Variants in SETD5 observed in about 807,000 individuals in gnomAD.
SETD5 encodes histone-lysine N-methyltransferase SETD5.
SETD5 carries 44 observed loss-of-function variants against 153.3 expected under a neutral mutation model. The observed-to-expected ratio is 0.29, with a 90% CI of 0.23 to 0.37. The LOEUF is 0.37. SETD5 is among the 10% of genes least tolerant of loss of function. The probability of loss-of-function intolerance (pLI) is 1.00; values close to 1 mark genes in which losing one functional copy is unlikely to be tolerated. For missense variants in SETD5, 1,544 were observed against 1,768.0 expected (o/e 0.87, Z 2.27); for synonymous variants, 716 against 645.2 (o/e 1.11, Z -1.66).
chr3:9,434,648 C>T lies in SETD5; in HGVS notation c.329+163C>T. 1 of 1,470,816 alleles carries T rather than the reference C, an allele frequency of 6.8e-7. No homozygotes were observed. The highest frequency in any genetic ancestry group is 1.4e-5 in the South Asian group (1 of 69,430). 91.1% of individuals were successfully genotyped at this position (1,470,816 alleles called of 1,614,324 possible). On this transcript the variant is annotated intron_variant, in intron 5 of 22. Coordinates refer to ENST00000402198, the MANE Select transcript of SETD5 (RefSeq NM_001080517.3). This position sits in a 1 kb window ranked among gnomAD's most constrained non-coding sequence, Gnocchi z 5.6. ...TGCACTAGGTGAGAATTGCTGACAA[C>T]AAGGAATGAGAGATTGATGTTAAAG... is the stretch of plus-strand genomic sequence containing the variant.
In SETD5 at chr3:9,441,239, G is replaced by A. The variant is rs1040048415; in HGVS notation, c.811-354G>A. Among the ~76,000 whole-genome samples the A allele has an allele frequency of 2.6e-5, 4 of 151,844 alleles. No individual in the cohort carries two copies. In the South Asian group the frequency reaches 8.3e-4, roughly 32 times the overall value. ...AAAAAACAGAGAGAGAGATGACTTA[G>A]TATGGGAAATTCTATATACCCTAGG... On this transcript the variant is annotated intron_variant, in intron 8 of 22. Coordinates refer to ENST00000402198, the MANE Select transcript of SETD5 (RefSeq NM_001080517.3).
At chr3:9,473,590 T>G in intron 20 of SETD5, 53 bp downstream of exon 20, 165 of 1,407,686 alleles carry the variant, frequency 1.2e-4, no homozygotes, top group Middle Eastern at 1.8e-4. Flanking sequence ...GGGGAGTATA[T>G]ATCTAAGATC....
At position 9,435,715 on chromosome 3, in the gene SETD5, C is replaced by G. The variant is rs202143504; in HGVS notation, c.389-13C>G. The G allele has an allele frequency of 1.9e-6, 3 of 1,556,176 alleles. No homozygotes were observed. The highest frequency in any genetic ancestry group is 2.1e-5 in the Admixed American group (1 of 48,756). ...GCTATTAGTACCTGAACTATGAAAT[C>G]ATCATTTTTCAGGTGGGGATAGCAG... On this transcript the variant is annotated splice_polypyrimidine_tract_variant and intron_variant, in intron 6 of 22. Transcript: ENST00000402198.
At chr3:9,410,264 C>T (rs990682204) in intron 1 of SETD5, among the ~76,000 whole-genome samples, 15 of 152,072 alleles carry the variant, frequency 9.9e-5, no homozygotes, top group Non-Finnish European at 1.9e-4. Flanking sequence ...AGTAAACATA[C>T]GGTATAAAAG....
chr3:9,459,213 G>A (rs1049372470), intron 17 of SETD5, among the ~76,000 whole-genome samples: 4 of 152,028 alleles, frequency 2.6e-5, no homozygotes, highest in Admixed American at 2.6e-4. Context: ...TGAATGAATT[G>A]TTTATTAGAA....
chr3:9,401,729 A>C (rs1438713863), intron 1 of SETD5, among the ~76,000 whole-genome samples: 1 of 152,242 alleles, frequency 6.6e-6, no homozygotes, highest in Non-Finnish European at 1.5e-5. Context: ...GAATAAAATA[A>C]AATTTTAAAA....
chr3:9,425,784 A>G (rs894290766), intron 2 of SETD5, among the ~76,000 whole-genome samples: 1 of 152,104 alleles, frequency 6.6e-6, no homozygotes. Context: ...CCGTGAAACC[A>G]TGCATTTTTT....
intron 3 of SETD5, 94 bp from the exon 4 acceptor site, chr3:9,433,751 T>G: frequency 7.9e-7 from 1 of 1,272,276 alleles, no homozygotes; most frequent in Non-Finnish European, 1.1e-6. Flanking sequence ...CTAGTGGTTG[T>G]GGAAAGAGGA....
intron 1 of SETD5, among the ~76,000 whole-genome samples, chr3:9,420,041 G>C (rs961751768): frequency 2.0e-5 from 3 of 152,144 alleles, no homozygotes; most frequent in Non-Finnish European, 4.4e-5. Context: ...AAGAGGTTTA[G>C]TCAGTCTAAA....
chr3:9,461,724 C>T (rs962830380), intron 17 of SETD5, among the ~76,000 whole-genome samples: 8 of 152,274 alleles, frequency 5.3e-5, no homozygotes, highest in Middle Eastern at 3.4e-3. Context: ...TTGATTTGCA[C>T]GTGGCAGATT....
intron 22 of SETD5, 47 bp downstream of exon 22, chr3:9,475,203 GT>G: frequency 6.7e-7 from 1 of 1,501,438 alleles, no homozygotes; most frequent in Middle Eastern, 1.7e-4. Flanking sequence ...TGTGTTCTGG[GT>G]CCCAAATTGT....
intron 16 of SETD5, among the ~76,000 whole-genome samples, chr3:9,450,175 G>A (rs2042456259): frequency 6.6e-6 from 1 of 152,054 alleles, no homozygotes; most frequent in Non-Finnish European, 1.5e-5. Context: ...TTTTAACTTG[G>A]TTCTGCTTTT....
intron 8 of SETD5, among the ~76,000 whole-genome samples, chr3:9,440,904 A>T (rs1044266931): frequency 1.3e-5 from 2 of 152,150 alleles, no homozygotes; most frequent in Non-Finnish European, 2.9e-5. Context: ...CTTTATTAAT[A>T]AAAAAATAGA....
rs1432231015 is a variant in SETD5, at chr3:9,445,962, G to GTTTTTTTTTTTTTTTTTTTTTTTTTTT, written c.1524+224_1524+225insTTTTTTTTTTTTTTTTTTTTTTTTTTT. Among the ~76,000 whole-genome samples the GTTTTTTTTTTTTTTTTTTTTTTTTTTT allele has an allele frequency of 3.3e-4, 40 of 120,240 alleles. 3 individuals carry two copies. The highest frequency in any genetic ancestry group is 7.7e-4 in the African/African-American group (22 of 28,638). 78.9% of individuals were successfully genotyped at this position (120,240 alleles called of 152,430 possible). A position where few individuals can be genotyped will look rare whatever the true frequency, so the allele number is the denominator to read the frequency against. ...TATTATCTAGTGATGGTTTGAAGAG[G>GTTTTTTTTTTTTTTTTTTTTTTTTTTT]TTGTTTTTTTTTTTTTTTTTTTTTT... On this transcript the variant is annotated intron_variant, in intron 13 of 22. Coordinates refer to ENST00000402198, the MANE Select transcript of SETD5 (RefSeq NM_001080517.3).
intron 7 of SETD5, among the ~76,000 whole-genome samples, chr3:9,438,403 A>G (rs2040852362): frequency 6.6e-6 from 1 of 152,164 alleles, no homozygotes; most frequent in African/African-American, 2.4e-5. Flanking sequence ...ATCATAACTT[A>G]TCTCCAGAAG....
Position 9,478,040 on chromosome 3 carries a change from ATCACTTCTT to A in SETD5, c.*1952_*1960del. 1 of 152,782 alleles carries A rather than the reference ATCACTTCTT, an allele frequency of 6.5e-6. No individual in the cohort carries two copies. The highest frequency in any genetic ancestry group is 2.4e-5 in the African/African-American group (1 of 41,414). 9.5% of individuals were successfully genotyped at this position (152,782 alleles called of 1,614,324 possible). A position where few individuals can be genotyped will look rare whatever the true frequency, so the allele number is the denominator to read the frequency against. ...GGGGAACTCTTGGAAGGGAAGAAGT[ATCACTTCTT>A]TCTCAAGTGGAGTGTTTACACCTTG... On this transcript the variant is annotated 3_prime_UTR_variant, in exon 23 of 23. Coordinates refer to ENST00000402198, the MANE Select transcript of SETD5 (RefSeq NM_001080517.3).
chr3:9,474,396 ATTTG>A, intron 20 of SETD5, 49 bp from the exon 21 acceptor site: 1 of 1,596,326 alleles, frequency 6.3e-7, no homozygotes, highest in Non-Finnish European at 8.5e-7. Context: ...TTAGGGCTTC[ATTTG>A]TTTTGGTTAA....
chr3:9,408,874 T>G (rs1328022645), intron 1 of SETD5, among the ~76,000 whole-genome samples: 1 of 152,174 alleles, frequency 6.6e-6, no homozygotes, highest in Non-Finnish European at 1.5e-5. Context: ...AGTTATTTAT[T>G]AATATTAAAA....
chr3:9,468,471 T>C, intron 18 of SETD5: 2 of 1,299,030 alleles, frequency 1.5e-6, no homozygotes, highest in Non-Finnish European at 2.0e-6. Flanking sequence ...GTTTTGCTTC[T>C]TGACTTCGAG....
Sources: gnomAD v4.1 joint callset for allele counts (sites outside exome capture counted in the v4.1 genomes callset) on GRCh38, gnomAD v4.1.1 for gene constraint, Gnocchi (gnomAD v3.1) non-coding constraint, MANE v1.5 for transcripts, NCBI Gene and HGNC (gene_info 2026-07-23, HGNC 2026-07-21) for gene names.